The following PFKFB4 variants were observed in gnomAD, a reference collection of about 807,000 sequenced individuals.
PFKFB4 encodes 6-phosphofructo-2-kinase/fructose-2,6-biphosphatase 4, also known as 6-phosphofructo-2-kinase/fructose-2,6-bisphosphatase 4.
Under a neutral mutation model 62.8 loss-of-function variants are expected in PFKFB4, and 42 were observed. The observed-to-expected ratio is 0.67, with a 90% CI of 0.52 to 0.86. PFKFB4 has a LOEUF of 0.86. Ranked by LOEUF, PFKFB4 falls within the 40% of genes least tolerant of loss-of-function variation. The pLI is 0.00. For synonymous variants in PFKFB4, 204 were observed against 240.7 expected, an observed-to-expected ratio of 0.85 and a Z score of 1.41; for missense variants, 475 against 627.2, an observed-to-expected ratio of 0.76 and a Z score of 2.59.
At chr3:48,557,354 C>G (rs1355960368), upstream of PFKFB4, among the ~76,000 whole-genome samples, 1 of 152,226 alleles carries the variant, frequency 6.6e-6, no homozygotes, top group South Asian at 2.1e-4. Context: ...CCGTCAACTC[C>G]GCTGCGCCCT....
chr3:48,546,434 T>C (rs2042968102), intron 3 of PFKFB4, among the ~76,000 whole-genome samples: 1 of 152,174 alleles, frequency 6.6e-6, no homozygotes, highest in Non-Finnish European at 1.5e-5. Context: ...TCATGCTTGG[T>C]GTGTACATGT....
chr3:48,534,625 T>C (rs1429922236), intron 9 of PFKFB4, among the ~76,000 whole-genome samples: 1 of 149,364 alleles, frequency 6.7e-6, no homozygotes, highest in African/African-American at 2.5e-5. Context: ...GAGCTATGAT[T>C]GCACCACAGC....
chr3:48,561,217 C>A, upstream of PFKFB4: 1 of 554,430 alleles, frequency 1.8e-6, no homozygotes, highest in Non-Finnish European at 2.7e-6. The surrounding 1 kb of genome is among the most constrained non-coding windows in gnomAD (Gnocchi z 5.2). Context: ...GCGGCTCCTG[C>A]AGCCCCGCCT....
upstream of PFKFB4, chr3:48,556,864 C>T: frequency 6.7e-7 from 1 of 1,487,636 alleles, no homozygotes; most frequent in Non-Finnish European, 8.9e-7. The surrounding 1 kb of genome is among the most constrained non-coding windows in gnomAD (Gnocchi z 5.7). Context: ...CCCTTGGGCC[C>T]CGCCCCTCCT....
At position 48,536,420 on chromosome 3, in the gene PFKFB4, C is replaced by T. The variant is rs368490789; in HGVS notation, c.676G>A (p.Val226Met). Residue 226 changes from valine (V) to methionine (M), a missense_variant, in exon 8 of 14, where the codon GTG becomes ATG. Val to Met is a conservative substitution (Grantham distance 21). Transcript: ENST00000232375. The stretch of plus-strand genomic sequence containing the variant: ...ATGTGGTCAGCCACACGGTTCACCA[C>T]GTAGCTCTGGCCCACATCCATGATC... ...IKIMDVGQSYVVNRVADHIQS... is the reference protein window; with the variant it reads ...IKIMDVGQSYMVNRVADHIQS... 2.0e-5 allele frequency: 32 copies of T among 1,614,188 alleles called. No individual in the cohort carries two copies. The highest frequency in any genetic ancestry group is 1.2e-4 in the African/African-American group (9 of 75,052).
chr3:48,520,526 T>A (rs535799026), intron 13 of PFKFB4, among the ~76,000 whole-genome samples: 11 of 152,284 alleles, frequency 7.2e-5, no homozygotes, highest in African/African-American at 2.6e-4. Context: ...CCTGAGCTGC[T>A]GCCCCATGCA....
intron 1 of PFKFB4, among the ~76,000 whole-genome samples, chr3:48,550,941 G>C (rs1401263255): frequency 6.6e-6 from 1 of 152,210 alleles, no homozygotes; most frequent in East Asian, 1.9e-4. Context: ...GGAACTGTGG[G>C]CAGGATCAGG....
rs143751854 is a variant in PFKFB4 at position 48,520,020 on chromosome 3, G to A, written c.1351-214C>T. Among the ~76,000 whole-genome samples, 674 of 152,300 alleles carry A rather than the reference G, an allele frequency of 4.4e-3. 4 individuals are homozygous for A. The highest frequency in any genetic ancestry group is 0.016 in the African/African-American group (646 of 41,554). ...ATGGACAATAGAACAAAGGTGCGGTGGAGGATGCCACCTCGTTTCCTGCTC... is the reference window on the plus strand; with the variant it reads ...ATGGACAATAGAACAAAGGTGCGGTAGAGGATGCCACCTCGTTTCCTGCTC... On this transcript the variant is annotated intron_variant, in intron 13 of 13. Coordinates refer to ENST00000232375, the MANE Select transcript of PFKFB4 (RefSeq NM_004567.4).
chr3:48,558,140 T>A (rs2043374751), upstream of PFKFB4, among the ~76,000 whole-genome samples: 1 of 152,204 alleles, frequency 6.6e-6, no homozygotes. Flanking sequence ...CTCCCTCTTG[T>A]CTTTGAAAAT....
Position 48,518,734 on chromosome 3 carries a change from A to C in PFKFB4, c.*1013T>G, listed in dbSNP as rs1211977634. On this transcript the variant is annotated 3_prime_UTR_variant, in exon 14 of 14. Coordinates refer to ENST00000232375, the MANE Select transcript of PFKFB4 (RefSeq NM_004567.4). ...GGCAGAAGTCAACAAACACCAGAGA[A>C]GTTTTACAGGACCATACAAGTGTTT... 1 of 152,280 alleles carries C rather than the reference A, an allele frequency of 6.6e-6. No homozygotes were observed. The highest frequency in any genetic ancestry group is 2.4e-5 in the African/African-American group (1 of 41,476). The allele number at this position is 152,280 out of a possible 1,614,324, so 9.4% of individuals were successfully genotyped here.
chr3:48,525,088 C>T (rs1449722706), intron 10 of PFKFB4, among the ~76,000 whole-genome samples: 2 of 152,102 alleles, frequency 1.3e-5, no homozygotes, highest in Non-Finnish European at 2.9e-5. Flanking sequence ...AGCTGAGACC[C>T]GAGTCCCAGG....
rs112507628 is a variant in PFKFB4 at position 48,525,699 on chromosome 3, C to T, written c.988-30G>A. On this transcript the variant is annotated intron_variant, in intron 9 of 13. Transcript: ENST00000232375. Reference sequence around the variant, plus strand: ...GGAGATACCACAGTCATCACACCTCCTACAGGCCCAGAAGATGAGCCTTGG... The same window carrying T: ...GGAGATACCACAGTCATCACACCTCTTACAGGCCCAGAAGATGAGCCTTGG... 2.0e-5 allele frequency: 26 copies of T among 1,308,170 alleles called. No homozygotes were observed. In the African/African-American group the frequency reaches 3.8e-4, roughly 19 times the overall value. The allele number at this position is 1,308,170 out of a possible 1,614,324, so 81.0% of individuals were successfully genotyped here.
At chr3:48,523,418 T>C in intron 12 of PFKFB4, 119 bp downstream of exon 12, 2 of 924,216 alleles carry the variant, frequency 2.2e-6, no homozygotes, top group South Asian at 1.4e-5. Flanking sequence ...GGTGGTGGGG[T>C]AGTAGGTGGA....
rs1175210097 is a variant in PFKFB4, at chr3:48,556,081, C to T, written c.97+600G>A. The T allele has an allele frequency of 6.6e-6, 3 of 456,776 alleles. No homozygotes were observed. The highest frequency in any genetic ancestry group is 1.3e-5 in the Non-Finnish European group (3 of 226,968). 28.3% of individuals were successfully genotyped at this position (456,776 alleles called of 1,614,324 possible). ...GTACACCCATGACCCCAGGTGGATA[C>T]TTACATGTCCCGGGACACAGACACA... On this transcript the variant is annotated intron_variant, in intron 1 of 13. Coordinates refer to ENST00000232375, the MANE Select transcript of PFKFB4 (RefSeq NM_004567.4). This position sits in a 1 kb window ranked among gnomAD's most constrained non-coding sequence, Gnocchi z 5.7.
intron 9 of PFKFB4, among the ~76,000 whole-genome samples, chr3:48,531,433 ATTTT>A (rs757109110): frequency 0.084 from 11,754 of 140,234 alleles, 661 homozygotes; most frequent in South Asian, 0.13. Context: ...GGAAGCAGAA[ATTTT>A]TTTTTTTTTT....
Position 48,556,591 on chromosome 3 carries a change from G to T in PFKFB4, c.97+90C>A. ...GTCCCCGGTTCCCCATCTGTCTCCC[G>T]CCCCTTCTCCATGCGAGACCCCCGC... is the stretch of plus-strand genomic sequence containing the variant. On this transcript the variant is annotated intron_variant, in intron 1 of 13. Coordinates refer to ENST00000232375, the MANE Select transcript of PFKFB4 (RefSeq NM_004567.4). The surrounding 1 kb of genome is among the most constrained non-coding windows in gnomAD (Gnocchi z 5.7). 7.3e-7 allele frequency: 1 copy of T among 1,376,184 alleles called. No individual in the cohort carries two copies. The highest frequency in any genetic ancestry group is 9.8e-7 in the Non-Finnish European group (1 of 1,016,980). The allele number at this position is 1,376,184 out of a possible 1,614,324, so 85.2% of individuals were successfully genotyped here.
At chr3:48,529,139 G>T (rs1452179758) in intron 9 of PFKFB4, among the ~76,000 whole-genome samples, 1 of 152,088 alleles carries the variant, frequency 6.6e-6, no homozygotes, top group Non-Finnish European at 1.5e-5. Flanking sequence ...CTGGGTTCAA[G>T]TGATTCTCCT....
upstream of PFKFB4, among the ~76,000 whole-genome samples, chr3:48,560,172 C>T (rs1020534832): frequency 1.3e-5 from 2 of 152,196 alleles, no homozygotes; most frequent in African/African-American, 4.8e-5. Flanking sequence ...CACAGAGACA[C>T]TGGCACAGCT....
rs1560148627 is a variant in PFKFB4 at position 48,522,009 on chromosome 3, T to C, written c.1327A>G (p.Asn443Asp). 1 of 1,614,146 alleles carries C rather than the reference T, an allele frequency of 6.2e-7. No individual in the cohort carries two copies. ...ACCTGAGGCCTGTCCCGGTGCGTGT[T>C]CACAGCAGCCACGTTCAGGAATATG... ...ESIFLNVAAV[N>D]THRDRPQNVD... The change falls in exon 13 of 14, where the codon AAC (asparagine) becomes GAC (aspartate). Residue 443 changes from asparagine (N) to aspartate (D), a missense_variant. Physicochemically the swap from Asn to Asp is conservative, Grantham distance 23 (BLOSUM62 1). Transcript: ENST00000232375.
Sources: allele counts gnomAD v4.1 joint callset (sites outside exome capture counted in the v4.1 genomes callset), GRCh38; gene constraint gnomAD v4.1.1; non-coding constraint Gnocchi (gnomAD v3.1); transcripts MANE v1.5; gene names NCBI Gene and HGNC (gene_info 2026-07-23, HGNC 2026-07-21).